Variants in KIF4A observed in about 807,000 individuals in gnomAD.
The protein encoded by KIF4A is kinesin family member 4A, also known as chromosome-associated kinesin KIF4A.
KIF4A carries 7 observed loss-of-function variants against 105.9 expected under a neutral mutation model. The observed-to-expected ratio is 0.07, with a 90% CI of 0.04 to 0.12. The LOEUF is 0.12. Ranked by LOEUF, KIF4A falls within the 10% of genes least tolerant of loss-of-function variation. The probability of loss-of-function intolerance (pLI) is 1.00; values close to 1 mark genes in which losing one functional copy is unlikely to be tolerated. For missense variants in KIF4A, 558 were observed against 929.2 expected (o/e 0.60, Z 5.19); for synonymous variants, 281 against 331.3 (o/e 0.85, Z 1.65).
intron 10 of KIF4A, among the ~76,000 whole-genome samples, chrX:70,334,691 C>G (rs2085943958): frequency 8.9e-6 from 1 of 111,905 alleles, no homozygotes; most frequent in African/African-American, 3.2e-5. Context: ...TTTAGGCACT[C>G]TCCCCCTAAA....
At chrX:70,355,696 T>C in intron 15 of KIF4A, among the ~76,000 whole-genome samples, 1 of 111,203 alleles carries the variant, frequency 9.0e-6, no homozygotes, top group Middle Eastern at 4.6e-3. Context: ...CTGCTGGGAA[T>C]GGTCTTGGGG....
At chrX:70,348,323 A>G (rs1389482795) in intron 13 of KIF4A, among the ~76,000 whole-genome samples, 1 of 111,747 alleles carries the variant, frequency 8.9e-6, no homozygotes, top group Non-Finnish European at 1.9e-5. Flanking sequence ...TGACATAGTG[A>G]GACCCTGTCT....
chrX:70,351,114 G>T (rs944105929), intron 13 of KIF4A, among the ~76,000 whole-genome samples: 30 of 112,311 alleles, frequency 2.7e-4, no homozygotes, highest in African/African-American at 9.0e-4. Context: ...GTTACCTGGA[G>T]TAGCACCATA....
intron 7 of KIF4A, among the ~76,000 whole-genome samples, chrX:70,309,903 C>T (rs2085841995): frequency 8.9e-6 from 1 of 111,743 alleles, no homozygotes; most frequent in East Asian, 2.8e-4. Context: ...ATTAGCCAAG[C>T]GTGGTGGCGC....
intron 15 of KIF4A, among the ~76,000 whole-genome samples, chrX:70,365,175 A>G (rs1193809634): frequency 8.9e-6 from 1 of 112,023 alleles, no homozygotes; most frequent in African/African-American, 3.2e-5. Flanking sequence ...ATATACAATC[A>G]TGTCATCTGC....
intron 14 of KIF4A, among the ~76,000 whole-genome samples, chrX:70,352,970 A>G (rs961396913): frequency 2.7e-5 from 3 of 111,928 alleles, no homozygotes; most frequent in African/African-American, 9.7e-5. Flanking sequence ...AAAAATGAGG[A>G]GAGGAAAAAA....
chrX:70,322,613 C>T (rs1180567404), intron 7 of KIF4A, among the ~76,000 whole-genome samples: 1 of 109,530 alleles, frequency 9.1e-6, no homozygotes, highest in Non-Finnish European at 1.9e-5. Context: ...GACTGGCTCC[C>T]TGTTGCTTTA....
chrX:70,360,680 A>T (rs1487197271), intron 15 of KIF4A, among the ~76,000 whole-genome samples: 2 of 112,981 alleles, frequency 1.8e-5, no homozygotes, highest in African/African-American at 6.4e-5. Context: ...GGGCAGATCC[A>T]ACTGGCTCGT....
chrX:70,368,719 C>G (rs2086116568), intron 15 of KIF4A, among the ~76,000 whole-genome samples: 1 of 112,043 alleles, frequency 8.9e-6, no homozygotes, highest in Non-Finnish European at 1.9e-5. Flanking sequence ...AGGAGGCAGT[C>G]TTTTCGTTCT....
In KIF4A at chrX:70,380,799, CTA is replaced by C. The variant is rs974545092; in HGVS notation, c.2034+4591_2034+4592del. Among the ~76,000 whole-genome samples, 11 of 112,081 alleles carry C rather than the reference CTA, an allele frequency of 9.8e-5. No individual in the cohort carries two copies. In the Admixed American group the frequency reaches 1.0e-3, roughly 11 times the overall value. Reference sequence around the variant, plus strand: ...AAATCCTAGAGAATCCACTAAAAGTCTATTAGAATTAATATATGAGTTCACCA... The same window carrying C: ...AAATCCTAGAGAATCCACTAAAAGTCTTAGAATTAATATATGAGTTCACCA... On this transcript the variant is annotated intron_variant, in intron 18 of 30. Transcript: ENST00000374403.
chrX:70,390,784 C>T (rs2086235081), intron 20 of KIF4A, among the ~76,000 whole-genome samples: 1 of 111,834 alleles, frequency 8.9e-6, no homozygotes, highest in Non-Finnish European at 1.9e-5. Context: ...CAATTCCTCC[C>T]ACAACCCTGG....
chrX:70,331,172 G>C (rs1186338898), intron 9 of KIF4A, among the ~76,000 whole-genome samples: 1 of 14,780 alleles, frequency 6.8e-5, no homozygotes, highest in African/African-American at 2.2e-4. Flanking sequence ...TTCTTCTTAG[G>C]GTTTTTGTGA....
At chrX:70,363,633 G>A (rs1396966496) in intron 15 of KIF4A, among the ~76,000 whole-genome samples, 3 of 112,043 alleles carry the variant, frequency 2.7e-5, no homozygotes, top group African/African-American at 6.5e-5. Flanking sequence ...TCTTAATCCA[G>A]TCTATCATTG....
At chrX:70,389,999 A>G (rs1333971053) in intron 20 of KIF4A, among the ~76,000 whole-genome samples, 1 of 112,550 alleles carries the variant, frequency 8.9e-6, no homozygotes, top group Non-Finnish European at 1.9e-5. Flanking sequence ...AGATACACGA[A>G]TGCAGTATAT....
intron 15 of KIF4A, among the ~76,000 whole-genome samples, chrX:70,371,611 C>T (rs1212764094): frequency 2.8e-5 from 3 of 106,016 alleles, no homozygotes; most frequent in African/African-American, 1.0e-4. Context: ...GGGGCTGACC[C>T]CCCCACCTCC....
chrX:70,384,351 AGTTTGAAGAGACAAAGTTG>A (rs1347790199), intron 18 of KIF4A, among the ~76,000 whole-genome samples: 4 of 111,917 alleles, frequency 3.6e-5, no homozygotes, highest in African/African-American at 6.5e-5. Flanking sequence ...GGAAACAGCT[AGTTTGAAGAGACAAAGTTG>A]GTTTTAGGAG....
At chrX:70,319,950 A>G (rs2085884364) in intron 7 of KIF4A, among the ~76,000 whole-genome samples, 1 of 111,512 alleles carries the variant, frequency 9.0e-6, no homozygotes, top group African/African-American at 3.3e-5. Flanking sequence ...AATTACCAGA[A>G]CTAATTTTTT....
chrX:70,349,133 G>A (rs1434985456), intron 13 of KIF4A, among the ~76,000 whole-genome samples: 5 of 95,065 alleles, frequency 5.3e-5, no homozygotes, highest in Non-Finnish European at 1.0e-4. Flanking sequence ...CGGCCAGGCA[G>A]AGGCACTTCT....
chrX:70,363,211 A>C (rs970162596), intron 15 of KIF4A, among the ~76,000 whole-genome samples: 27 of 108,225 alleles, frequency 2.5e-4, no homozygotes, highest in Admixed American at 7.1e-4. Context: ...TAGGGACTAA[A>C]TGTGGTGTAT....
Sources: allele counts gnomAD v4.1 joint callset (sites outside exome capture counted in the v4.1 genomes callset), GRCh38; gene constraint gnomAD v4.1.1; transcripts MANE v1.5; gene names NCBI Gene and HGNC (gene_info 2026-07-23, HGNC 2026-07-21).